Variants in CLSPN observed in about 807,000 individuals in gnomAD.
The protein encoded by CLSPN is claspin homolog.
Under a neutral mutation model 156.3 loss-of-function variants are expected in CLSPN, and 85 were observed. The observed-to-expected ratio is 0.54, with a 90% confidence interval of 0.46 to 0.65. The LOEUF (loss-of-function observed/expected upper bound fraction) is 0.65. Among genes scored for constraint, CLSPN ranks in the 30% least tolerant of loss-of-function variants. The pLI, the probability that CLSPN is intolerant of heterozygous loss-of-function variation, is 0.00. For synonymous variants in CLSPN, 534 were observed against 542.4 expected (o/e 0.98, Z 0.22); for missense variants, 1,407 against 1,554.9 (o/e 0.90, Z 1.60).
intron 10 of CLSPN, among the ~76,000 whole-genome samples, chr1:35,750,106 T>G (rs1158110781): frequency 6.6e-6 from 1 of 152,164 alleles, no homozygotes; most frequent in Non-Finnish European, 1.5e-5. Context: ...AGTCTAAGAT[T>G]GCAGGCTGAC....
Position 35,748,820 on chromosome 1 carries a change from CTTTTTTTTTTTT to C in CLSPN, c.2273-228_2273-217del, listed in dbSNP as rs201350754. On this transcript the variant is annotated intron_variant, in intron 12 of 24. Transcript: ENST00000318121. The stretch of plus-strand genomic sequence containing the variant: ...CTGAGCTAAGTGACACTTGAAAGTT[CTTTTTTTTTTTT>C]TTTTTTTTTTTTTGAGACAGTCTCG... 3,251 of 292,304 alleles carry C rather than the reference CTTTTTTTTTTTT, an allele frequency of 0.011. 1 individual carries two copies. In the East Asian group the frequency reaches 0.13, roughly 12 times the overall value. 18.1% of individuals were successfully genotyped at this position (292,304 alleles called of 1,614,324 possible). A position where few individuals can be genotyped will look rare whatever the true frequency, so the allele number is the denominator to read the frequency against.
chr1:35,767,970 C>G (rs1263607269), intron 1 of CLSPN, among the ~76,000 whole-genome samples: 1 of 152,150 alleles, frequency 6.6e-6, no homozygotes. Context: ...CCAAGTCTAC[C>G]TCCTTAGTGT....
Position 35,732,411 on chromosome 1 carries a change from T to C in CLSPN, c.*4085A>G. Reference sequence around the variant, plus strand: ...AGAAACTCTCAAAGTGAGGAGAAGTTTGTAGAGAAGCAGTTGAGAAAATGA... The same window carrying C: ...AGAAACTCTCAAAGTGAGGAGAAGTCTGTAGAGAAGCAGTTGAGAAAATGA... On this transcript the variant is annotated 3_prime_UTR_variant, in exon 25 of 25. Coordinates refer to ENST00000318121, the MANE Select transcript of CLSPN (RefSeq NM_022111.4). 1 of 985,270 alleles carries C rather than the reference T, an allele frequency of 1.0e-6. No individual in the cohort carries two copies. Among genetic ancestry groups the C allele is most frequent in the Non-Finnish European group, 1.2e-6 (1 of 829,888 alleles). 61.0% of individuals were successfully genotyped at this position (985,270 alleles called of 1,614,324 possible).
intron 4 of CLSPN, 34 bp from the exon 5 acceptor site, chr1:35,762,515 C>A (rs762221666): frequency 1.3e-6 from 2 of 1,555,494 alleles, no homozygotes; most frequent in South Asian, 1.1e-5. Flanking sequence ...AGGACAAAAA[C>A]GAAATTCAAA....
intron 24 of CLSPN, among the ~76,000 whole-genome samples, chr1:35,723,899 G>A (rs780861429): frequency 2.6e-5 from 4 of 152,172 alleles, no homozygotes; most frequent in Admixed American, 6.5e-5. Flanking sequence ...GCTGAGGCAC[G>A]AGAACTGCTT....
chr1:35,769,600 C>A (rs975186185), intron 1 of CLSPN, among the ~76,000 whole-genome samples: 1 of 152,202 alleles, frequency 6.6e-6, no homozygotes, highest in Non-Finnish European at 1.5e-5. Context: ...CGGCAGTGCG[C>A]GCCGCAGAGA....
At chr1:35,722,255 T>C (rs1571179199) in intron 24 of CLSPN, among the ~76,000 whole-genome samples, 1 of 121,448 alleles carries the variant, frequency 8.2e-6, no homozygotes, top group Non-Finnish European at 1.7e-5. Flanking sequence ...AGTTATTCCT[T>C]TTTTTTTTTT....
intron 24 of CLSPN, among the ~76,000 whole-genome samples, chr1:35,726,282 A>G (rs1386367938): frequency 1.3e-5 from 2 of 151,068 alleles, no homozygotes; most frequent in Non-Finnish European, 2.9e-5. Flanking sequence ...TTGCTGGATG[A>G]GTTAATGGCT....
At chr1:35,756,030 G>A (rs1335647956) in intron 8 of CLSPN, among the ~76,000 whole-genome samples, 3 of 152,052 alleles carry the variant, frequency 2.0e-5, no homozygotes, top group Non-Finnish European at 2.9e-5. Context: ...ATCATACTTC[G>A]GTGTTTTTGT....
intron 18 of CLSPN, among the ~76,000 whole-genome samples, chr1:35,741,760 G>A (rs986170082): frequency 1.3e-4 from 19 of 151,700 alleles, no homozygotes; most frequent in Admixed American, 4.6e-4. Context: ...GGATCGTGAG[G>A]TCAAGAGATC....
At chr1:35,757,959 C>T (rs1642332184) in intron 8 of CLSPN, among the ~76,000 whole-genome samples, 1 of 152,158 alleles carries the variant, frequency 6.6e-6, no homozygotes, top group Non-Finnish European at 1.5e-5. Flanking sequence ...TAGCACTTGC[C>T]AACAATAAGC....
intron 24 of CLSPN, among the ~76,000 whole-genome samples, chr1:35,725,862 G>A (rs924491822): frequency 4.6e-5 from 7 of 152,016 alleles, no homozygotes; most frequent in South Asian, 2.1e-4. Flanking sequence ...CTCCTGGCAC[G>A]CACAGAGAAG....
rs559882023 is a variant in CLSPN, at chr1:35,753,734, G to A, written c.1771+11C>T. The stretch of plus-strand genomic sequence containing the variant: ...CAAAAAGCAAAAAACAAAACCTGTG[G>A]GCTCAAATACCTGGTTTTGTGTGGC... On this transcript the variant is annotated intron_variant, in intron 9 of 24. Coordinates refer to ENST00000318121, the MANE Select transcript of CLSPN (RefSeq NM_022111.4). 89 of 1,613,620 alleles carry A rather than the reference G, an allele frequency of 5.5e-5. No individual in the cohort carries two copies. In the East Asian group the frequency reaches 1.1e-3, roughly 20 times the overall value.
At chr1:35,761,010 AGT>A (rs1225117339) in intron 7 of CLSPN, 84 bp downstream of exon 7, 14 of 1,405,296 alleles carry the variant, frequency 1.0e-5, no homozygotes, top group Non-Finnish European at 1.4e-5. Flanking sequence ...GTTTTAAGGG[AGT>A]GAGAAATCTG....
At chr1:35,737,763 A>G in intron 22 of CLSPN, 1 of 447,812 alleles carries the variant, frequency 2.2e-6, no homozygotes, top group Non-Finnish European at 4.0e-6. Context: ...TCTGAGCCTT[A>G]GAACATAAAG....
At chr1:35,737,219 C>T (rs769205895) in intron 23 of CLSPN, 120 bp downstream of exon 23, 21 of 1,242,416 alleles carry the variant, frequency 1.7e-5, no homozygotes, top group Non-Finnish European at 2.3e-5. Context: ...ACTCCTTTGA[C>T]ATTAACTTTT....
chr1:35,764,341 T>G lies in CLSPN; in HGVS notation c.507A>C (p.Ser169=), dbSNP rs771596765. Reference sequence around the variant, plus strand: ...TCTCCTCTTTCTCAAGTCTTCTTTTTGATTTTACTTTTGCTTTTCCTGCAG... The same window carrying G: ...TCTCCTCTTTCTCAAGTCTTCTTTTGGATTTTACTTTTGCTTTTCCTGCAG... ...EGTAGKAKVK[S]KRRLEKEERK... Residue 169 remains serine, a synonymous_variant, in exon 3 of 25, where the codon TCA becomes TCC. Coordinates refer to ENST00000318121, the MANE Select transcript of CLSPN (RefSeq NM_022111.4). The G allele has an allele frequency of 6.2e-7, 1 of 1,603,764 alleles. No homozygotes were observed. Among genetic ancestry groups the G allele is most frequent in the Non-Finnish European group, 8.5e-7 (1 of 1,177,634 alleles).
chr1:35,736,423 T>G lies in CLSPN; in HGVS notation c.*73A>C, dbSNP rs1571191199. 11 of 1,481,886 alleles carry G rather than the reference T, an allele frequency of 7.4e-6. No individual in the cohort carries two copies. Among genetic ancestry groups the G allele is most frequent in the South Asian group, 1.5e-5 (1 of 65,458 alleles). The allele number at this position is 1,481,886 out of a possible 1,614,324, so 91.8% of individuals were successfully genotyped here. A position where few individuals can be genotyped will look rare whatever the true frequency, so the allele number is the denominator to read the frequency against. On this transcript the variant is annotated 3_prime_UTR_variant, in exon 25 of 25. Coordinates refer to ENST00000318121, the MANE Select transcript of CLSPN (RefSeq NM_022111.4). The stretch of plus-strand genomic sequence containing the variant: ...AAGAAGGAAGGATCATTGGCTGGAG[T>G]GTCAATTCCAACTTTCAGTGCTAGA...
chr1:35,769,555 G>A (rs1287577271), intron 1 of CLSPN, among the ~76,000 whole-genome samples: 1 of 152,248 alleles, frequency 6.6e-6, no homozygotes, highest in Non-Finnish European at 1.5e-5. Flanking sequence ...GGGGAGGGCT[G>A]GCGGCAGGAA....
Sources: allele counts gnomAD v4.1 joint callset (sites outside exome capture counted in the v4.1 genomes callset), GRCh38; gene constraint gnomAD v4.1.1; transcripts MANE v1.5; gene names NCBI Gene and HGNC (gene_info 2026-07-23, HGNC 2026-07-21).